Variants in CA10 observed in about 807,000 individuals in gnomAD.
CA10 encodes the protein carbonic anhydrase-related protein 10.
In CA10, 14 loss-of-function variants were observed where a neutral mutation model predicts 44.2. The observed-to-expected ratio is 0.32, with a 90% CI of 0.21 to 0.50. The LOEUF is 0.50. Ranked by LOEUF, CA10 falls within the 20% of genes least tolerant of loss-of-function variation. CA10 has a pLI of 0.99. For missense variants in CA10, 350 were observed against 409.7 expected, an observed-to-expected ratio of 0.85 and a Z score of 1.26; for synonymous variants, 159 against 141.6, an observed-to-expected ratio of 1.12 and a Z score of -0.87.
intron 1 of CA10, among the ~76,000 whole-genome samples, chr17:52,087,302 G>A (rs762775792): frequency 2.6e-5 from 4 of 152,140 alleles, no homozygotes; most frequent in Non-Finnish European, 4.4e-5. Flanking sequence ...CACCACACCC[G>A]GCTAATTTTT....
At chr17:51,886,548 A>G (rs1260660332) in intron 3 of CA10, among the ~76,000 whole-genome samples, 1 of 152,246 alleles carries the variant, frequency 6.6e-6, no homozygotes, top group Non-Finnish European at 1.5e-5. Context: ...AAGGAAATCC[A>G]TCCCTAAATC....
At chr17:51,912,734 C>G (rs549915722) in intron 3 of CA10, among the ~76,000 whole-genome samples, 1 of 152,272 alleles carries the variant, frequency 6.6e-6, no homozygotes, top group African/African-American at 2.4e-5. Context: ...AAAACATTTT[C>G]CTGATATCAT....
intron 2 of CA10, among the ~76,000 whole-genome samples, chr17:52,050,516 A>C (rs567614698): frequency 1.6e-4 from 24 of 152,202 alleles, no homozygotes; most frequent in African/African-American, 5.8e-4. Context: ...ACACTCTATA[A>C]TCACTCACTA....
intron 3 of CA10, among the ~76,000 whole-genome samples, chr17:51,861,155 G>A (rs1979286478): frequency 6.6e-6 from 1 of 152,138 alleles, no homozygotes; most frequent in East Asian, 1.9e-4. Flanking sequence ...GGTGCTAAAG[G>A]AGACTGCGAG....
chr17:51,683,889 C>G (rs1309307595), intron 4 of CA10, among the ~76,000 whole-genome samples: 1 of 152,208 alleles, frequency 6.6e-6, no homozygotes, highest in African/African-American at 2.4e-5. Flanking sequence ...AGATCACTCT[C>G]TAGTGACTGA....
intron 3 of CA10, among the ~76,000 whole-genome samples, chr17:51,889,761 A>G (rs1340795369): frequency 6.6e-6 from 1 of 152,198 alleles, no homozygotes; most frequent in Non-Finnish European, 1.5e-5. Flanking sequence ...TTAACTACAA[A>G]TTTCTAATGG....
chr17:52,042,392 T>C (rs1416064918), intron 2 of CA10, among the ~76,000 whole-genome samples: 3 of 152,060 alleles, frequency 2.0e-5, no homozygotes, highest in Admixed American at 6.6e-5. Flanking sequence ...GTATGCCTTT[T>C]TTAAAAAAAA....
At chr17:51,825,089 A>T (rs1445514613) in intron 3 of CA10, among the ~76,000 whole-genome samples, 1 of 152,184 alleles carries the variant, frequency 6.6e-6, no homozygotes, top group East Asian at 1.9e-4. Flanking sequence ...TAAGTCTGCC[A>T]ATCTAATCTA....
chr17:52,035,813 T>C (rs889702337), intron 2 of CA10, among the ~76,000 whole-genome samples: 1 of 152,214 alleles, frequency 6.6e-6, no homozygotes, highest in African/African-American at 2.4e-5. Flanking sequence ...GCTATGTAAA[T>C]GAGGCATTCC....
chr17:51,731,673 A>AAAAGATT (rs570339949), intron 4 of CA10, among the ~76,000 whole-genome samples: 1 of 27,370 alleles, frequency 3.7e-5, no homozygotes, highest in Non-Finnish European at 9.0e-5. Flanking sequence ...AAAAAAAAAA[A>AAAAGATT]GATTTATTTA....
At chr17:52,055,502 T>C (rs767753018) in intron 2 of CA10, among the ~76,000 whole-genome samples, 2 of 152,070 alleles carry the variant, frequency 1.3e-5, no homozygotes, top group Non-Finnish European at 2.9e-5. Flanking sequence ...TAGAAAGCCA[T>C]CAGTTGATAT....
chr17:52,016,992 A>G (rs1985988794), intron 2 of CA10, among the ~76,000 whole-genome samples: 1 of 152,084 alleles, frequency 6.6e-6, no homozygotes, highest in Admixed American at 6.6e-5. Context: ...CCATTTGACC[A>G]GCTTCTCCTT....
intron 2 of CA10, among the ~76,000 whole-genome samples, chr17:51,936,915 G>A (rs1178959009): frequency 6.6e-6 from 1 of 152,052 alleles, no homozygotes; most frequent in Non-Finnish European, 1.5e-5. Flanking sequence ...CTATTTCAAA[G>A]GCAGAACTAA....
chr17:52,112,193 A>G (rs1988801444), intron 1 of CA10, among the ~76,000 whole-genome samples: 1 of 150,252 alleles, frequency 6.7e-6, no homozygotes, highest in African/African-American at 2.5e-5. Flanking sequence ...AAGAAAAAGA[A>G]AAAAAAAAAA....
intron 3 of CA10, among the ~76,000 whole-genome samples, chr17:51,918,714 G>A (rs749358514): frequency 1.8e-4 from 27 of 152,056 alleles, no homozygotes; most frequent in Non-Finnish European, 1.6e-4. Flanking sequence ...TAAAACTCTC[G>A]CCTTACTGAA....
intron 2 of CA10, among the ~76,000 whole-genome samples, chr17:52,025,149 G>C (rs1396944836): frequency 1.3e-5 from 2 of 151,920 alleles, no homozygotes; most frequent in Non-Finnish European, 2.9e-5. Flanking sequence ...AGGTAAAAAG[G>C]GAAGTCTGAT....
chr17:51,796,338 C>G (rs1906708561), intron 3 of CA10, among the ~76,000 whole-genome samples: 1 of 152,066 alleles, frequency 6.6e-6, no homozygotes, highest in Admixed American at 6.5e-5. Context: ...GACCCAGTGC[C>G]ATTTCTACTG....
At chr17:51,659,639 A>G (rs1367209801) in intron 4 of CA10, among the ~76,000 whole-genome samples, 2 of 152,172 alleles carry the variant, frequency 1.3e-5, no homozygotes, top group African/African-American at 4.8e-5. Flanking sequence ...CATCATCACC[A>G]CTTTGGATGA....
chr17:51,844,836 C>T (rs567309029), intron 3 of CA10, among the ~76,000 whole-genome samples: 2 of 152,220 alleles, frequency 1.3e-5, no homozygotes, highest in East Asian at 3.9e-4. Flanking sequence ...TAGAAACACC[C>T]ACACCCACCG....
Sources: allele counts gnomAD v4.1 joint callset (sites outside exome capture counted in the v4.1 genomes callset), GRCh38; gene constraint gnomAD v4.1.1; transcripts MANE v1.5; gene names NCBI Gene and HGNC (gene_info 2026-07-23, HGNC 2026-07-21).